The following GLIS3 variants were observed in gnomAD, a reference collection of about 807,000 sequenced individuals.
The protein encoded by GLIS3 is zinc finger protein GLIS3.
GLIS3 carries 53 observed loss-of-function variants against 78.6 expected under a neutral mutation model. The ratio of observed to expected loss-of-function variants is 0.67; its 90% CI spans 0.54 to 0.85. GLIS3 has a LOEUF of 0.85. GLIS3 is among the 40% of genes least tolerant of loss of function. The pLI, the probability that GLIS3 is intolerant of heterozygous loss-of-function variation, is 0.00. For missense variants in GLIS3, 1,703 were observed against 1,231.1 expected (o/e 1.38, Z -5.74); for synonymous variants, 684 against 509.9 (o/e 1.34, Z -4.60).
chr9:4,466,898 C>T, the GLIS3 span, among the ~76,000 whole-genome samples: 464 of 152,320 alleles, frequency 3.0e-3, 1 homozygote, highest in Non-Finnish European at 5.4e-3. Flanking sequence ...GAAGCCGTGA[C>T]AGATGGTACC....
At chr9:4,447,893 G>A in the GLIS3 span, among the ~76,000 whole-genome samples, 8 of 152,060 alleles carry the variant, frequency 5.3e-5, no homozygotes, top group Non-Finnish European at 1.0e-4. Context: ...TTCACTGTTT[G>A]TTTCTGTCCT....
chr9:4,241,226 G>T (rs1823278834), intron 2 of GLIS3, among the ~76,000 whole-genome samples: 1 of 152,116 alleles, frequency 6.6e-6, no homozygotes, highest in Non-Finnish European at 1.5e-5. Flanking sequence ...AAAGGAAAAT[G>T]CCCTCCAAGC....
rs369534372 is a variant in GLIS3 at position 4,118,188 on chromosome 9, G to A, written c.1290C>T (p.Thr430=). Residue 430 remains threonine, a synonymous_variant, in exon 4 of 11, where the codon ACC becomes ACT. Coordinates refer to ENST00000381971, the MANE Select transcript of GLIS3 (RefSeq NM_001042413.2). This position sits in a 1 kb window ranked among gnomAD's most constrained non-coding sequence, Gnocchi z 4.7. The part of the protein sequence containing the change: ...PDSQSAGLFK[T]ERLEEFPGST... ...TGCCCGGGAACTCCTCCAGGCGTTC[G>A]GTCTTGAACAGGCCGGCCGACTGGC... 3.4e-5 allele frequency: 54 copies of A among 1,576,508 alleles called. No individual in the cohort carries two copies. The highest frequency in any genetic ancestry group is 4.3e-5 in the Non-Finnish European group (50 of 1,160,714).
intron 2 of GLIS3, among the ~76,000 whole-genome samples, chr9:4,282,514 C>T (rs914262687): frequency 2.6e-5 from 4 of 152,142 alleles, no homozygotes; most frequent in Admixed American, 6.5e-5. Flanking sequence ...CTGGCTTTTT[C>T]CTTGCCTTTA....
chr9:4,195,585 G>A (rs1031522313), intron 2 of GLIS3, among the ~76,000 whole-genome samples: 58 of 152,342 alleles, frequency 3.8e-4, no homozygotes, highest in South Asian at 2.1e-3. Flanking sequence ...TCCCCTCCAC[G>A]GGCTCCCACG....
At chr9:4,217,108 G>A (rs932728868) in intron 2 of GLIS3, among the ~76,000 whole-genome samples, 5 of 152,212 alleles carry the variant, frequency 3.3e-5, no homozygotes, top group Non-Finnish European at 5.9e-5. Context: ...CCATGCCCAA[G>A]GAACAATTAA....
In GLIS3 at chr9:4,340,396, C is replaced by T. The variant is rs74308849; in HGVS notation, n.264+6685G>A. Among the ~76,000 whole-genome samples the T allele has an allele frequency of 1.1e-3, 160 of 151,988 alleles. 4 individuals carry two copies. In the East Asian group the frequency reaches 0.027, roughly 25 times the overall value. ...AGGGGGTGGGGGAAAACTTCAACTTCCCAATTAAAAGGCAACTCAATTCCA... is the reference window on the plus strand; with the variant it reads ...AGGGGGTGGGGGAAAACTTCAACTTTCCAATTAAAAGGCAACTCAATTCCA... On this transcript the variant is annotated intron_variant and non_coding_transcript_variant, in intron 2 of 4. Transcript: ENST00000471664.
chr9:3,965,980 G>A (rs1050507276), intron 4 of GLIS3, among the ~76,000 whole-genome samples: 1 of 152,236 alleles, frequency 6.6e-6, no homozygotes, highest in Non-Finnish European at 1.5e-5. Flanking sequence ...AGTGTCACCT[G>A]AAGCTTAGCA....
chr9:4,475,605 G>C, the GLIS3 span, among the ~76,000 whole-genome samples: 1 of 152,154 alleles, frequency 6.6e-6, no homozygotes, highest in African/African-American at 2.4e-5. Context: ...AACCTACACA[G>C]AGAAATATTA....
In GLIS3 at chr9:4,286,260, T is replaced by C. The variant is rs1190636978; in HGVS notation, c.166A>G (p.Asn56Asp). 1.9e-6 allele frequency: 3 copies of C among 1,614,066 alleles called. No individual in the cohort carries two copies. Among genetic ancestry groups the C allele is most frequent in the African/African-American group, 2.7e-5 (2 of 74,926 alleles). Reference sequence around the variant, plus strand: ...GAGGGCATCTTGAGATGGAGGTTGTTAGCAAGGCTTGCCATAGTGGGACTC... The same window carrying C: ...GAGGGCATCTTGAGATGGAGGTTGTCAGCAAGGCTTGCCATAGTGGGACTC... The part of the protein sequence containing the change: ...TSSPTMASLA[N>D]NLHLKMPSGG... Residue 56 changes from asparagine (N) to aspartate (D), a missense_variant, in exon 2 of 11, where the codon AAC becomes GAC. Coordinates refer to ENST00000381971, the MANE Select transcript of GLIS3 (RefSeq NM_001042413.2).
chr9:4,296,816 G>C (rs1304589366), intron 1 of GLIS3, among the ~76,000 whole-genome samples: 1 of 150,562 alleles, frequency 6.6e-6, no homozygotes, highest in Non-Finnish European at 1.5e-5. Context: ...CTCAGAGCTA[G>C]TCTGGCTGCG....
At chr9:4,210,640 T>C (rs1273553036) in intron 2 of GLIS3, among the ~76,000 whole-genome samples, 1 of 152,200 alleles carries the variant, frequency 6.6e-6, no homozygotes, top group Non-Finnish European at 1.5e-5. Flanking sequence ...AGTTTAAAAA[T>C]AAGCAAGGCT....
At chr9:4,100,903 T>C (rs1003858662) in intron 4 of GLIS3, among the ~76,000 whole-genome samples, 11 of 152,144 alleles carry the variant, frequency 7.2e-5, no homozygotes, top group Non-Finnish European at 1.3e-4. Context: ...CCTCTCGTTG[T>C]ACAATATCAG....
chr9:3,865,303 G>A (rs1234526645), intron 8 of GLIS3, among the ~76,000 whole-genome samples: 1 of 152,176 alleles, frequency 6.6e-6, no homozygotes, highest in Admixed American at 6.5e-5. Flanking sequence ...TCTCTTAGCA[G>A]CTAAGTCTCC....
intron 7 of GLIS3, among the ~76,000 whole-genome samples, chr9:3,881,826 A>T (rs2130479459): frequency 6.6e-6 from 1 of 152,312 alleles, no homozygotes; most frequent in South Asian, 2.1e-4. Flanking sequence ...GATTTTACCA[A>T]AATACCAAGA....
At chr9:3,918,057 T>C (rs922872741) in intron 6 of GLIS3, among the ~76,000 whole-genome samples, 3 of 152,236 alleles carry the variant, frequency 2.0e-5, no homozygotes, top group African/African-American at 7.2e-5. Context: ...GGCAGGACTG[T>C]AGACTCTCAA....
chr9:4,135,894 T>C (rs1426466526), intron 2 of GLIS3, among the ~76,000 whole-genome samples: 1 of 152,208 alleles, frequency 6.6e-6, no homozygotes, highest in African/African-American at 2.4e-5. Context: ...CCAAACACCC[T>C]AGGCTTGCTA....
Position 3,855,567 on chromosome 9 carries a change from C to T in GLIS3, c.2473+442G>A, listed in dbSNP as rs931886218. Reference sequence around the variant, plus strand: ...GGAGAGATGACATCAGCTGGGGGATCAGGAAGGGCTTCAGAGAGGAGGTGT... The same window carrying T: ...GGAGAGATGACATCAGCTGGGGGATTAGGAAGGGCTTCAGAGAGGAGGTGT... On this transcript the variant is annotated intron_variant, in intron 9 of 10. Transcript: ENST00000381971. The T allele has an allele frequency of 3.1e-5, 7 of 229,406 alleles. No individual in the cohort carries two copies. The East Asian group carries it at 3.3e-4, about 11-fold the overall frequency. 14.2% of individuals were successfully genotyped at this position (229,406 alleles called of 1,614,324 possible).
intron 9 of GLIS3, among the ~76,000 whole-genome samples, chr9:3,854,938 ATTTG>A (rs547963952): frequency 5.9e-5 from 9 of 152,284 alleles, no homozygotes; most frequent in Admixed American, 2.0e-4. Flanking sequence ...ATTGATTTAG[ATTTG>A]TTTGTTTGGG....
Sources: allele counts gnomAD v4.1 joint callset (sites outside exome capture counted in the v4.1 genomes callset), GRCh38; gene constraint gnomAD v4.1.1; non-coding constraint Gnocchi (gnomAD v3.1); transcripts MANE v1.5; gene names NCBI Gene and HGNC (gene_info 2026-07-23, HGNC 2026-07-21).